The following RALY variants were observed in gnomAD, a reference collection of about 807,000 sequenced individuals.
RALY encodes RNA-binding protein Raly.
In RALY, 15 loss-of-function variants were observed where a neutral mutation model predicts 30.7. The observed-to-expected ratio is 0.49, with a 90% CI of 0.33 to 0.75. RALY has a LOEUF of 0.75. Among genes scored for constraint, RALY ranks in the 30% least tolerant of loss-of-function variants. The probability of loss-of-function intolerance (pLI) is 0.02; values close to 1 mark genes in which losing one functional copy is unlikely to be tolerated. For missense variants in RALY, 339 were observed against 414.3 expected, an observed-to-expected ratio of 0.82 and a Z score of 1.58; for synonymous variants, 177 against 170.8, an observed-to-expected ratio of 1.04 and a Z score of -0.28.
At chr20:34,069,464 C>G (rs960960120) in intron 2 of RALY, among the ~76,000 whole-genome samples, 7 of 152,268 alleles carry the variant, frequency 4.6e-5, no homozygotes, top group Middle Eastern at 6.8e-3. Flanking sequence ...GTATCTCTAT[C>G]CACACCCCAG....
intron 2 of RALY, among the ~76,000 whole-genome samples, chr20:34,067,120 C>T (rs1011211211): frequency 1.3e-5 from 2 of 152,206 alleles, no homozygotes; most frequent in African/African-American, 4.8e-5. Flanking sequence ...CTATGTCAAA[C>T]ACCTCCTCAC....
At chr20:34,063,806 C>T (rs1237968084) in intron 2 of RALY, among the ~76,000 whole-genome samples, 1 of 152,114 alleles carries the variant, frequency 6.6e-6, no homozygotes, top group Non-Finnish European at 1.5e-5. Context: ...GGTGTCACTA[C>T]CCAATGGGAA....
chr20:34,041,594 A>G (rs2123135757), intron 2 of RALY, among the ~76,000 whole-genome samples: 1 of 151,694 alleles, frequency 6.6e-6, no homozygotes, highest in South Asian at 2.1e-4. Flanking sequence ...CCCCCTCCTC[A>G]CTCATTCATA....
chr20:34,053,334 C>G (rs1403787389), intron 2 of RALY, among the ~76,000 whole-genome samples: 2 of 148,096 alleles, frequency 1.4e-5, no homozygotes, highest in African/African-American at 5.0e-5. Flanking sequence ...GTGATAGACC[C>G]TTTTCACAAG....
intron 1 of RALY, among the ~76,000 whole-genome samples, chr20:34,001,071 A>G (rs1276028467): frequency 6.6e-6 from 1 of 152,252 alleles, no homozygotes; most frequent in Non-Finnish European, 1.5e-5. Context: ...TCAGTATATA[A>G]ACAGATGGAT....
At chr20:34,055,482 C>G (rs2033213902) in intron 2 of RALY, among the ~76,000 whole-genome samples, 1 of 152,134 alleles carries the variant, frequency 6.6e-6, no homozygotes, top group Admixed American at 6.5e-5. Flanking sequence ...GTATGTGGCT[C>G]TGCTGGAGTT....
At chr20:34,077,504 A>G (rs899964794) in intron 8 of RALY, 1 of 650,930 alleles carries the variant, frequency 1.5e-6, no homozygotes, top group Non-Finnish European at 2.5e-6. Context: ...CGGTTTCCAC[A>G]TGAGTTGGAG....
chr20:34,003,765 A>T (rs978839757), intron 1 of RALY, among the ~76,000 whole-genome samples: 1 of 145,254 alleles, frequency 6.9e-6, no homozygotes, highest in East Asian at 2.1e-4. Context: ...TCAGCCTCCC[A>T]AGTAGCTGGG....
At chr20:34,058,832 T>C (rs1033258771) in intron 2 of RALY, among the ~76,000 whole-genome samples, 16 of 152,350 alleles carry the variant, frequency 1.1e-4, no homozygotes, top group Non-Finnish European at 1.5e-4. Context: ...CCTTAACTCA[T>C]GAAGAGTCTT....
At chr20:34,064,393 C>G (rs964369161) in intron 2 of RALY, among the ~76,000 whole-genome samples, 1 of 152,126 alleles carries the variant, frequency 6.6e-6, no homozygotes, top group Non-Finnish European at 1.5e-5. Flanking sequence ...GGGGTATCCT[C>G]TCAGGGCCCA....
At chr20:34,040,211 C>G (rs368185623) in intron 2 of RALY, among the ~76,000 whole-genome samples, 1 of 152,112 alleles carries the variant, frequency 6.6e-6, no homozygotes, top group African/African-American at 2.4e-5. Flanking sequence ...GTCACCTGTT[C>G]AGGTTCAGGT....
chr20:34,021,540 A>G (rs1469269877), intron 1 of RALY, among the ~76,000 whole-genome samples: 8 of 152,328 alleles, frequency 5.3e-5, no homozygotes, highest in East Asian at 1.9e-4. Context: ...TAATCCATTC[A>G]TGAAGGCAGA....
At chr20:34,012,441 G>C (rs143453718) in intron 1 of RALY, among the ~76,000 whole-genome samples, 1 of 91,414 alleles carries the variant, frequency 1.1e-5, no homozygotes, top group African/African-American at 3.1e-5. Context: ...TGCCTTGCTT[G>C]CCTCTTCTCT....
intron 1 of RALY, among the ~76,000 whole-genome samples, chr20:33,997,807 C>T (rs868866893): frequency 3.3e-5 from 5 of 152,102 alleles, no homozygotes; most frequent in Admixed American, 2.0e-4. Context: ...GGAATATTGT[C>T]CTGATAACAA....
chr20:34,038,758 T>C (rs1022097410), intron 2 of RALY, among the ~76,000 whole-genome samples: 4 of 152,236 alleles, frequency 2.6e-5, no homozygotes, highest in African/African-American at 9.6e-5. Flanking sequence ...TGTGACTAAC[T>C]TCTCTGAGCT....
At chr20:34,064,624 C>T (rs1346712930) in intron 2 of RALY, among the ~76,000 whole-genome samples, 4 of 152,106 alleles carry the variant, frequency 2.6e-5, no homozygotes, top group Non-Finnish European at 5.9e-5. Context: ...GCTCCCTACT[C>T]CCTACCCCCA....
At chr20:34,030,791 T>C (rs907807777) in intron 1 of RALY, among the ~76,000 whole-genome samples, 4 of 152,228 alleles carry the variant, frequency 2.6e-5, no homozygotes, top group African/African-American at 9.6e-5. Flanking sequence ...ATTAGTCTTC[T>C]TGTTCCTTAA....
At chr20:34,055,946 A>G (rs922033006) in intron 2 of RALY, among the ~76,000 whole-genome samples, 1 of 152,204 alleles carries the variant, frequency 6.6e-6, no homozygotes, top group Non-Finnish European at 1.5e-5. Context: ...TACATGAGAC[A>G]AAAAGGGTTT....
intron 1 of RALY, among the ~76,000 whole-genome samples, chr20:34,030,686 G>A (rs1450571425): frequency 6.6e-6 from 1 of 152,156 alleles, no homozygotes; most frequent in Non-Finnish European, 1.5e-5. Context: ...TAGTCTCTGA[G>A]CCTTAGTTTT....
Sources: gnomAD v4.1 joint callset for allele counts (sites outside exome capture counted in the v4.1 genomes callset) on GRCh38, gnomAD v4.1.1 for gene constraint, MANE v1.5 for transcripts, NCBI Gene and HGNC (gene_info 2026-07-23, HGNC 2026-07-21) for gene names.